Variants in COX11 observed in about 807,000 individuals in gnomAD.
The protein encoded by COX11 is cytochrome c oxidase copper chaperone COX11.
In COX11, 18 loss-of-function variants were observed where a neutral mutation model predicts 29.4. The observed-to-expected ratio is 0.61, with a 90% CI of 0.42 to 0.91. The LOEUF (loss-of-function observed/expected upper bound fraction) is 0.91. COX11 is among the 40% of genes least tolerant of loss of function. The pLI is 0.00. For missense variants in COX11, 312 were observed against 346.0 expected, an observed-to-expected ratio of 0.90 and a Z score of 0.78; for synonymous variants, 131 against 124.0, an observed-to-expected ratio of 1.06 and a Z score of -0.38.
chr17:54,956,032 G>T (rs1209725858), downstream of COX11, among the ~76,000 whole-genome samples: 3 of 152,168 alleles, frequency 2.0e-5, no homozygotes, highest in African/African-American at 7.2e-5. Context: ...AGCCTATAAG[G>T]GAGGTCAAGT....
chr17:54,967,040 G>GCGCACACACACA, intron 1 of COX11, among the ~76,000 whole-genome samples: 1 of 38,480 alleles, frequency 2.6e-5, no homozygotes, highest in South Asian at 1.4e-3. Context: ...GTGCGCGCGC[G>GCGCACACACACA]CGCACACACA....
chr17:54,956,339 C>G (rs997664425), downstream of COX11, among the ~76,000 whole-genome samples: 1 of 151,970 alleles, frequency 6.6e-6, no homozygotes, highest in Admixed American at 6.6e-5. Flanking sequence ...GAGTGTCACT[C>G]TGTCATTAGG....
Position 54,962,278 on chromosome 17 carries a change from TGAAGGAAAATAG to T in COX11, c.*443_*454del. On this transcript the variant is annotated 3_prime_UTR_variant, in exon 4 of 4. Coordinates refer to ENST00000299335, the MANE Select transcript of COX11 (RefSeq NM_004375.5). ...CTTTTAAAATACTGACTATTCATAA[TGAAGGAAAATAG>T]CAACCAACTCTTTTAGACACAATAA... 1 of 985,658 alleles carries T rather than the reference TGAAGGAAAATAG, an allele frequency of 1.0e-6. No individual in the cohort carries two copies. The highest frequency in any genetic ancestry group is 1.2e-6 in the Non-Finnish European group (1 of 830,102). The allele number at this position is 985,658 out of a possible 1,614,324, so 61.1% of individuals were successfully genotyped here. A position where few individuals can be genotyped will look rare whatever the true frequency, so the allele number is the denominator to read the frequency against.
At chr17:54,958,867 A>G (rs1226194974), downstream of COX11, among the ~76,000 whole-genome samples, 5 of 152,194 alleles carry the variant, frequency 3.3e-5, no homozygotes, top group Non-Finnish European at 7.3e-5. Flanking sequence ...TGAATGTTGA[A>G]GAATAGGATC....
chr17:54,963,191 A>G (rs1336100333), intron 3 of COX11, 115 bp downstream of exon 3: 4 of 1,178,620 alleles, frequency 3.4e-6, no homozygotes, highest in Non-Finnish European at 3.6e-6. Flanking sequence ...AAATAGCTTG[A>G]TGTTTAGAAG....
chr17:54,960,326 T>C (rs906549930), downstream of COX11, among the ~76,000 whole-genome samples: 27 of 151,986 alleles, frequency 1.8e-4, no homozygotes, highest in African/African-American at 4.8e-4. Context: ...GAAAGCACCA[T>C]TGCACTCCAG....
chr17:54,963,251 C>A, intron 3 of COX11, 55 bp downstream of exon 3: 3 of 1,558,120 alleles, frequency 1.9e-6, no homozygotes, highest in Non-Finnish European at 2.6e-6. Context: ...AAGTTTCATA[C>A]TAAACCGTTT....
intron 1 of COX11, 80 bp from the exon 2 acceptor site, chr17:54,964,932 T>C: frequency 7.1e-7 from 1 of 1,404,972 alleles, no homozygotes; most frequent in Non-Finnish European, 9.8e-7. Flanking sequence ...TTAAAAACAA[T>C]GTAGTATTTA....
chr17:54,963,646 C>T (rs982237583), intron 2 of COX11, among the ~76,000 whole-genome samples: 3 of 152,026 alleles, frequency 2.0e-5, no homozygotes, highest in Non-Finnish European at 4.4e-5. Flanking sequence ...GTTCTAATAT[C>T]CATAATTAGT....
chr17:54,967,034 GCGCGCGCGCA>G (rs375134482), intron 1 of COX11, among the ~76,000 whole-genome samples: 29,104 of 102,272 alleles, frequency 0.28, 3,289 homozygotes, highest in Non-Finnish European at 0.33. Flanking sequence ...ATAAACGTGC[GCGCGCGCGCA>G]CACACACACA....
chr17:54,968,210 T>C (rs1467451043), intron 1 of COX11, 71 bp downstream of exon 1: 15 of 1,554,350 alleles, frequency 9.7e-6, no homozygotes, highest in African/African-American at 6.9e-5. Flanking sequence ...GAGCGAGGGC[T>C]TGTCCCGGGA....
downstream of COX11, among the ~76,000 whole-genome samples, chr17:54,958,748 A>AAAAAAAAAAAAAAG (rs372776781): frequency 3.7e-4 from 44 of 118,948 alleles, 1 homozygote; most frequent in Middle Eastern, 4.3e-3. Flanking sequence ...AAAAAAAAAA[A>AAAAAAAAAAAAAAG]GGGGTTGTTG....
In COX11 at chr17:54,963,197, A is replaced by C. The variant is rs1031281668; in HGVS notation, c.648+109T>G. On this transcript the variant is annotated intron_variant, in intron 3 of 3. Transcript: ENST00000299335. Reference sequence around the variant, plus strand: ...AGTGAAGAAAAATAGCTTGATGTTTAGAAGAAATTCGTTTTCAGAAATCAC... The same window carrying C: ...AGTGAAGAAAAATAGCTTGATGTTTCGAAGAAATTCGTTTTCAGAAATCAC... The C allele has an allele frequency of 3.2e-6, 4 of 1,245,810 alleles. No individual in the cohort carries two copies. In the African/African-American group the frequency reaches 6.1e-5, roughly 19 times the overall value. The allele number at this position is 1,245,810 out of a possible 1,614,324, so 77.2% of individuals were successfully genotyped here. A position where few individuals can be genotyped will look rare whatever the true frequency, so the allele number is the denominator to read the frequency against.
chr17:54,963,493 G>A lies in COX11; in HGVS notation c.523-62C>T, dbSNP rs538103605. On this transcript the variant is annotated intron_variant, in intron 2 of 3. Coordinates refer to ENST00000299335, the MANE Select transcript of COX11 (RefSeq NM_004375.5). ...ATCTCACAAAGTTCCTCTTTTCCCT[G>A]CTAAATTAGTCTCATTATTTTGCCT... 2.7e-6 allele frequency: 4 copies of A among 1,503,088 alleles called. No homozygotes were observed. The African/African-American group carries it at 5.7e-5, about 21-fold the overall frequency. The allele number at this position is 1,503,088 out of a possible 1,614,324, so 93.1% of individuals were successfully genotyped here.
Position 54,968,353 on chromosome 17 carries a change from G to A in COX11, c.294C>T (p.Tyr98=), listed in dbSNP as rs1039955218. The A allele has an allele frequency of 6.2e-7, 1 of 1,612,938 alleles. No individual in the cohort carries two copies. The highest frequency in any genetic ancestry group is 8.5e-7 in the Non-Finnish European group (1 of 1,179,936). Residue 98 remains tyrosine, a synonymous_variant, in exon 1 of 4, where the codon TAC becomes TAT. Coordinates refer to ENST00000299335, the MANE Select transcript of COX11 (RefSeq NM_004375.5). The stretch of plus-strand genomic sequence containing the variant: ...GCATGCCCACGGCGACAGCGGCCAC[G>A]TAAGTGAGGGTCGTCTTGTTCTGCC... The part of the protein sequence containing the change: ...RRRQNKTTLT[Y]VAAVAVGMLG...
rs756204966 is a variant in COX11 at position 54,968,315 on chromosome 17, T to C, written c.332A>G (p.Tyr111Cys). 1 of 1,612,648 alleles carries C rather than the reference T, an allele frequency of 6.2e-7. No homozygotes were observed. Among genetic ancestry groups the C allele is most frequent in the Admixed American group, 1.7e-5 (1 of 59,986 alleles). The change falls in exon 1 of 4, where the codon TAC becomes TGC. Residue 111 changes from tyrosine (Y) to cysteine (C), a missense_variant. Physicochemically the swap from Tyr to Cys is radical, Grantham distance 194. Transcript: ENST00000299335. ...GAGCCGATAAAGGGGTACGGCAGCGTAGGACGCCCCCAGCATGCCCACGGC... is the reference window on the plus strand; with the variant it reads ...GAGCCGATAAAGGGGTACGGCAGCGCAGGACGCCCCCAGCATGCCCACGGC... ...AVAVGMLGAS[Y>C]AAVPLYRLYC...
downstream of COX11, among the ~76,000 whole-genome samples, chr17:54,958,645 G>A (rs572215047): frequency 1.3e-4 from 19 of 149,708 alleles, no homozygotes; most frequent in African/African-American, 2.0e-4. Flanking sequence ...TAGGAGAATC[G>A]TTTGAACCCA....
At chr17:54,955,094 G>A (rs2049428364) in exon 1 of COX11, 1 of 152,164 alleles carries the variant, frequency 6.6e-6, no homozygotes, top group African/African-American at 2.4e-5. Context: ...CACAGTCTGA[G>A]GGGCTTCCAA....
chr17:54,956,134 A>G (rs957186921), downstream of COX11, among the ~76,000 whole-genome samples: 1 of 152,214 alleles, frequency 6.6e-6, no homozygotes, highest in Non-Finnish European at 1.5e-5. Context: ...ACAACTCTCC[A>G]TGAGAACACA....
Sources: gnomAD v4.1 joint callset for allele counts (sites outside exome capture counted in the v4.1 genomes callset) on GRCh38, gnomAD v4.1.1 for gene constraint, MANE v1.5 for transcripts, NCBI Gene and HGNC (gene_info 2026-07-23, HGNC 2026-07-21) for gene names.